The following DLGAP2 variants were observed in gnomAD, a reference collection of about 807,000 sequenced individuals.
DLGAP2 encodes disks large-associated protein 2.
A neutral mutation model predicts 100.3 loss-of-function variants in DLGAP2; 26 were observed. The observed-to-expected ratio is 0.26, with a 90% confidence interval of 0.19 to 0.36. DLGAP2 has a LOEUF of 0.36. DLGAP2 is among the 10% of genes least tolerant of loss of function. DLGAP2 has a pLI of 1.00. For synonymous variants in DLGAP2, 886 were observed against 630.1 expected (o/e 1.41, Z -6.08); for missense variants, 1,858 against 1,453.2 (o/e 1.28, Z -4.53).
At chr8:1,632,687 C>T in intron 7 of DLGAP2, 140 bp from the exon 8 acceptor site, 2 of 755,032 alleles carry the variant, frequency 2.6e-6, no homozygotes, top group South Asian at 1.9e-5. Context: ...AGCCGATGCC[C>T]ATGCTGACTT....
At chr8:1,001,841 T>C (rs1422329152) in intron 2 of DLGAP2, among the ~76,000 whole-genome samples, 1 of 152,282 alleles carries the variant, frequency 6.6e-6, no homozygotes, top group Non-Finnish European at 1.5e-5. Flanking sequence ...GAACAGATCC[T>C]GGCCTGAGGG....
At chr8:1,548,471 A>C (rs1484953654) in intron 4 of DLGAP2, among the ~76,000 whole-genome samples, 155 bp from the exon 5 acceptor site, 2 of 149,770 alleles carry the variant, frequency 1.3e-5, no homozygotes, top group Admixed American at 6.6e-5. Context: ...AAAAAAAAAA[A>C]AAAAAAAAAA....
intron 5 of DLGAP2, among the ~76,000 whole-genome samples, chr8:1,561,316 A>G (rs2956901): frequency 0.41 from 61,536 of 151,830 alleles, 12,754 homozygotes; most frequent in Middle Eastern, 0.53. Context: ...AATACCTCCA[A>G]TTCCCTTTCA....
intron 4 of DLGAP2, among the ~76,000 whole-genome samples, chr8:1,502,887 A>C (rs1799771359): frequency 6.6e-6 from 1 of 152,144 alleles, no homozygotes; most frequent in Admixed American, 6.5e-5. Context: ...AGCAGGAGGT[A>C]CCTGGGGTGG....
intron 2 of DLGAP2, among the ~76,000 whole-genome samples, chr8:1,038,121 A>C (rs1322807168): frequency 6.6e-6 from 1 of 152,166 alleles, no homozygotes; most frequent in African/African-American, 2.4e-5. Context: ...GTTCATATAC[A>C]AGTGTTCGTC....
At chr8:856,963 CA>C in intron 1 of DLGAP2, among the ~76,000 whole-genome samples, 1 of 152,186 alleles carries the variant, frequency 6.6e-6, no homozygotes, top group Admixed American at 6.5e-5. Flanking sequence ...CAGTTGATCT[CA>C]AGACTTACTG....
intron 2 of DLGAP2, among the ~76,000 whole-genome samples, chr8:1,167,993 C>G (rs188725438): frequency 2.8e-3 from 419 of 151,472 alleles, no homozygotes; most frequent in African/African-American, 9.1e-3. Flanking sequence ...AACTCGTCAT[C>G]TAGCATTAGG....
chr8:1,112,237 A>ATTTTT (rs4044488), intron 2 of DLGAP2, among the ~76,000 whole-genome samples: 1,041 of 97,902 alleles, frequency 0.011, 22 homozygotes, highest in Middle Eastern at 0.016. Context: ...TCCTTTGCCC[A>ATTTTT]TTTTTTTTTT....
At chr8:1,111,188 C>CAA (rs1345020715) in intron 2 of DLGAP2, among the ~76,000 whole-genome samples, 13 of 152,158 alleles carry the variant, frequency 8.5e-5, no homozygotes, top group African/African-American at 3.1e-4. Context: ...AAATTAAATA[C>CAA]AAAGAAAACA....
chr8:1,259,041 G>T (rs973304587), intron 3 of DLGAP2, among the ~76,000 whole-genome samples, 158 bp downstream of exon 3: 2 of 152,236 alleles, frequency 1.3e-5, no homozygotes, highest in South Asian at 4.1e-4. Flanking sequence ...AATAATTGAA[G>T]CAAAGTGCAA....
chr8:957,318 C>G (rs1467388636), intron 2 of DLGAP2, among the ~76,000 whole-genome samples: 1 of 152,188 alleles, frequency 6.6e-6, no homozygotes, highest in Non-Finnish European at 1.5e-5. Flanking sequence ...CCAGGGAAAC[C>G]CAAGGGTGCA....
chr8:891,716 G>C (rs572112785), intron 1 of DLGAP2: 3 of 152,438 alleles, frequency 2.0e-5, no homozygotes, highest in Admixed American at 1.3e-4. Flanking sequence ...CCATGACAAA[G>C]AGACAAAGAG....
intron 2 of DLGAP2, among the ~76,000 whole-genome samples, chr8:1,110,677 A>C (rs977822246): frequency 7.9e-5 from 12 of 151,490 alleles, no homozygotes; most frequent in Non-Finnish European, 2.9e-5. Flanking sequence ...AAACATCTGC[A>C]AGTAACTGCT....
At chr8:741,091 G>C (rs62484228) in intron 1 of DLGAP2, among the ~76,000 whole-genome samples, 43,653 of 152,114 alleles carry the variant, frequency 0.29, 6,466 homozygotes, top group East Asian at 0.4. Flanking sequence ...AGGCTTTCTA[G>C]TGCCACTAAC....
At chr8:1,214,608 A>G (rs1218023337) in intron 2 of DLGAP2, among the ~76,000 whole-genome samples, 1 of 152,194 alleles carries the variant, frequency 6.6e-6, no homozygotes, top group Non-Finnish European at 1.5e-5. Context: ...CTTTCAATTA[A>G]TTGATCATGT....
At chr8:868,479 G>A (rs1797538364) in intron 1 of DLGAP2, among the ~76,000 whole-genome samples, 1 of 152,230 alleles carries the variant, frequency 6.6e-6, no homozygotes, top group East Asian at 1.9e-4. Context: ...GGCGCACGGT[G>A]AGCCGTGCAC....
At chr8:1,387,784 C>T (rs1280987331) in intron 3 of DLGAP2, among the ~76,000 whole-genome samples, 1 of 152,100 alleles carries the variant, frequency 6.6e-6, no homozygotes, top group East Asian at 1.9e-4. Flanking sequence ...AGGTGGAGGG[C>T]CTCACCTGTG....
intron 3 of DLGAP2, among the ~76,000 whole-genome samples, chr8:1,305,333 T>A (rs762828563): frequency 6.6e-6 from 1 of 152,250 alleles, no homozygotes; most frequent in Non-Finnish European, 1.5e-5. Flanking sequence ...ATTGTGGGGC[T>A]ACTGAAGCTA....
intron 2 of DLGAP2, among the ~76,000 whole-genome samples, chr8:1,196,005 G>T (rs1404359306): frequency 1.3e-5 from 2 of 152,210 alleles, no homozygotes; most frequent in African/African-American, 4.8e-5. Context: ...TCACGTTCGT[G>T]AGCAGAGTTA....
Sources: gnomAD v4.1 joint callset for allele counts (sites outside exome capture counted in the v4.1 genomes callset) on GRCh38, gnomAD v4.1.1 for gene constraint, MANE v1.5 for transcripts, NCBI Gene and HGNC (gene_info 2026-07-23, HGNC 2026-07-21) for gene names.